The following PKD1L1 variants were observed in gnomAD, a reference collection of about 807,000 sequenced individuals.
PKD1L1 encodes the protein polycystin 1 like 1, transient receptor potential channel interacting.
PKD1L1 carries 236 observed loss-of-function variants against 323.4 expected under a neutral mutation model. The ratio of observed to expected loss-of-function variants is 0.73; its 90% CI spans 0.66 to 0.81. PKD1L1 has a LOEUF of 0.81. Among genes scored for constraint, PKD1L1 ranks in the 40% least tolerant of loss-of-function variants. The pLI is 0.00. For missense variants in PKD1L1, 3,320 were observed against 3,508.0 expected (o/e 0.95, Z 1.35); for synonymous variants, 1,344 against 1,335.0 (o/e 1.01, Z -0.15).
In PKD1L1 at chr7:47,881,939, G is replaced by A. The variant is rs372187137; in HGVS notation, c.3412C>T (p.Arg1138Ter). The A allele has an allele frequency of 2.8e-5, 45 of 1,605,068 alleles. No individual in the cohort carries two copies. The highest frequency in any genetic ancestry group is 3.1e-5 in the Non-Finnish European group (36 of 1,177,416). The change falls in exon 20 of 57, where the codon CGA becomes TGA. Residue 1138 changes from arginine to a stop codon, truncating the protein, a stop_gained. Transcript: ENST00000289672. LOFTEE classifies it high-confidence loss of function. ...MIDWPKALLG[R>*]AVFQGYSSSG... The stretch of plus-strand genomic sequence containing the variant: ...GATGAATAGCCTTGGAAAACTGCTC[G>A]ACCCAGCAGGGCCTTGGGCCAGTCA...
rs540966946 is a variant in PKD1L1 at position 47,865,752 on chromosome 7, A to AT, written c.4093-481dup. ...ACGCGCCTGCCACCACACCTGGCTA[A>AT]TTTTTTTTTTTTTTTTGTATTTTTA... On this transcript the variant is annotated intron_variant, in intron 25 of 56. Transcript: ENST00000289672. Among the ~76,000 whole-genome samples the AT allele has an allele frequency of 3.5e-3, 480 of 137,076 alleles. 2 individuals carry two copies. Among genetic ancestry groups the AT allele is most frequent in the Middle Eastern group, 0.011 (3 of 270 alleles). The allele number at this position is 137,076 out of a possible 152,430, so 89.9% of individuals were successfully genotyped here.
At chr7:47,844,120 C>T (rs1356329171) in intron 33 of PKD1L1, among the ~76,000 whole-genome samples, 1 of 152,176 alleles carries the variant, frequency 6.6e-6, no homozygotes, top group Non-Finnish European at 1.5e-5. Context: ...TGGTTTGCCC[C>T]AGCCCCAGTG....
At chr7:47,954,911 T>G in the PKD1L1 span, among the ~76,000 whole-genome samples, 66 of 152,186 alleles carry the variant, frequency 4.3e-4, 2 homozygotes, top group Non-Finnish European at 8.8e-5. Context: ...TGGTTATGGT[T>G]GTAAGATTGG....
In PKD1L1 at chr7:47,815,418, A is replaced by T; in HGVS notation, c.7005T>A (p.Ala2335=). The T allele has an allele frequency of 6.2e-7, 1 of 1,614,132 alleles. No individual in the cohort carries two copies. Among genetic ancestry groups the T allele is most frequent in the Non-Finnish European group, 8.5e-7 (1 of 1,179,986 alleles). Residue 2335 remains alanine (A), a synonymous_variant, in exon 47 of 57, where the codon GCT becomes GCA. Coordinates refer to ENST00000289672, the MANE Select transcript of PKD1L1 (RefSeq NM_138295.5). ...TGGTCAGACTCCAGTCCCACCAGTCAGCGATGTTTCTCAGGCCACCCAAGC... is the reference window on the plus strand; with the variant it reads ...TGGTCAGACTCCAGTCCCACCAGTCTGCGATGTTTCTCAGGCCACCCAAGC... ...RNCLGGLRNI[A]DWWDWSLTTL... is the part of the protein sequence containing the mutation.
chr7:47,831,399 A>G (rs1376534119), intron 41 of PKD1L1, 47 bp from the exon 42 acceptor site: 1 of 1,573,346 alleles, frequency 6.4e-7, no homozygotes, highest in Non-Finnish European at 8.6e-7. Flanking sequence ...AGACCTCGGC[A>G]TCTCCATCCA....
chr7:47,866,804 A>G (rs1786179860), intron 24 of PKD1L1, among the ~76,000 whole-genome samples, 190 bp from the exon 25 acceptor site: 1 of 152,202 alleles, frequency 6.6e-6, no homozygotes, highest in Non-Finnish European at 1.5e-5. Context: ...GTCATAATAT[A>G]AAATTTTACA....
At chr7:47,887,732 A>T (rs1786714359) in intron 17 of PKD1L1, among the ~76,000 whole-genome samples, 1 of 152,122 alleles carries the variant, frequency 6.6e-6, no homozygotes, top group African/African-American at 2.4e-5. Flanking sequence ...AACTGCCTAC[A>T]CAGGTGTTGG....
rs534309526 is a variant in PKD1L1, at chr7:47,935,404, C to T, written c.398+1442G>A. On this transcript the variant is annotated intron_variant, in intron 4 of 56. Transcript: ENST00000289672. ...ATCAGATTTCCGGGGGACAGACAGA[C>T]AAATCCGGCCATAAAAGGTAGGCAT... Among the ~76,000 whole-genome samples, 3 of 152,162 alleles carry T rather than the reference C, an allele frequency of 2.0e-5. No individual in the cohort carries two copies. The South Asian group carries it at 6.2e-4, about 32-fold the overall frequency.
At chr7:47,882,345 G>A (rs1786578717) in intron 19 of PKD1L1, among the ~76,000 whole-genome samples, 1 of 134,180 alleles carries the variant, frequency 7.5e-6, no homozygotes, top group Admixed American at 7.8e-5. Flanking sequence ...GATTTATTAA[G>A]GTCTACTAAG....
rs1583682007 is a variant in PKD1L1, at chr7:47,929,417, C to A, written c.847G>T (p.Ala283Ser). 6.2e-7 allele frequency: 1 copy of A among 1,614,162 alleles called. No homozygotes were observed. ...TTCATGAAGTTATCAGAATTTCGAGCTAGGATGGCCACAGGAGGATGCTGA... is the reference window on the plus strand; with the variant it reads ...TTCATGAAGTTATCAGAATTTCGAGATAGGATGGCCACAGGAGGATGCTGA... ...PTQHPPVAIL[A>S]RNSDNFMNPV... is the part of the protein sequence containing the mutation. Residue 283 changes from alanine (A) to serine (S), a missense_variant, in exon 7 of 57, where the codon GCT (alanine) becomes TCT (serine). By Grantham distance (99) the Ala-to-Ser change is moderately conservative. Coordinates refer to ENST00000289672, the MANE Select transcript of PKD1L1 (RefSeq NM_138295.5).
intron 37 of PKD1L1, 130 bp downstream of exon 37, chr7:47,836,791 C>A: frequency 1.7e-6 from 2 of 1,144,106 alleles, no homozygotes; most frequent in East Asian, 5.2e-5. Context: ...GGTCCCCAGG[C>A]AGCCAGGCTT....
chr7:47,910,628 G>A (rs1205314166), intron 8 of PKD1L1, among the ~76,000 whole-genome samples: 3 of 149,700 alleles, frequency 2.0e-5, no homozygotes, highest in South Asian at 2.1e-4. Context: ...GTGAGCCAAC[G>A]CGCCCGGCCA....
intron 36 of PKD1L1, among the ~76,000 whole-genome samples, chr7:47,838,826 C>G (rs1478477264): frequency 1.5e-5 from 2 of 130,836 alleles, no homozygotes; most frequent in Admixed American, 9.4e-5. Flanking sequence ...TGCAGTGAGT[C>G]GAGATCGTGC....
chr7:47,802,480 T>C (rs1383175133), intron 53 of PKD1L1, among the ~76,000 whole-genome samples: 2 of 152,182 alleles, frequency 1.3e-5, no homozygotes, highest in Non-Finnish European at 2.9e-5. Context: ...GTAAGGTGAA[T>C]AGGGCTTGCA....
chr7:47,810,555 G>A (rs1010454878), intron 50 of PKD1L1, among the ~76,000 whole-genome samples: 2 of 150,738 alleles, frequency 1.3e-5, no homozygotes, highest in Admixed American at 6.6e-5. Flanking sequence ...CCACACCAGC[G>A]CGAGCTGAGC....
At chr7:47,940,654 G>A (rs1787966942) in intron 2 of PKD1L1, among the ~76,000 whole-genome samples, 1 of 152,246 alleles carries the variant, frequency 6.6e-6, no homozygotes, top group African/African-American at 2.4e-5. Context: ...TCAGGGGTGT[G>A]TAGTAGAGGG....
At chr7:47,869,718 C>T (rs1002795415) in intron 24 of PKD1L1, among the ~76,000 whole-genome samples, 22 of 152,090 alleles carry the variant, frequency 1.4e-4, no homozygotes, top group African/African-American at 5.3e-4. Context: ...AAGACTCAAA[C>T]AATAATATAA....
chr7:47,907,399 G>A (rs552775614), intron 9 of PKD1L1, among the ~76,000 whole-genome samples: 4 of 151,874 alleles, frequency 2.6e-5, no homozygotes, highest in East Asian at 1.9e-4. Context: ...TTTTTTCTAC[G>A]GTAAGTGGCT....
At chr7:47,930,797 A>C (rs1051740151) in intron 6 of PKD1L1, among the ~76,000 whole-genome samples, 1 of 152,218 alleles carries the variant, frequency 6.6e-6, no homozygotes, top group Non-Finnish European at 1.5e-5. Context: ...CTTGGGTGAC[A>C]GAGCGAGACT....
Sources: gnomAD v4.1 joint callset for allele counts (sites outside exome capture counted in the v4.1 genomes callset) on GRCh38, gnomAD v4.1.1 for gene constraint, MANE v1.5 for transcripts, NCBI Gene and HGNC (gene_info 2026-07-23, HGNC 2026-07-21) for gene names.